Variants in DSG3 observed in about 807,000 individuals in gnomAD.
The protein encoded by DSG3 is desmoglein-3.
A neutral mutation model predicts 85.9 loss-of-function variants in DSG3; 63 were observed. That is an observed-to-expected ratio of 0.73 (90% confidence interval 0.60 to 0.90). The LOEUF (loss-of-function observed/expected upper bound fraction) is 0.90, where lower values mean the gene tolerates loss of function less well. DSG3 is among the 40% of genes least tolerant of loss of function. DSG3 has a pLI of 0.00. For synonymous variants in DSG3, 447 were observed against 441.9 expected, an observed-to-expected ratio of 1.01 and a Z score of -0.14; for missense variants, 1,220 against 1,219.9, an observed-to-expected ratio of 1.00 and a Z score of 0.00.
Position 31,469,485 on chromosome 18 carries a change from AT to A in DSG3, c.1897+140del, listed in dbSNP as rs113391996. ...ATAGGTAAAGCTAGGGGAAAATGGC[AT>A]TTTCAGAAAGAATCTGAAATGTGTA... is the stretch of plus-strand genomic sequence containing the variant. On this transcript the variant is annotated intron_variant, in intron 12 of 15. Coordinates refer to ENST00000257189, the MANE Select transcript of DSG3 (RefSeq NM_001944.3). 7 of 1,266,826 alleles carry A rather than the reference AT, an allele frequency of 5.5e-6. No homozygotes were observed. In the African/African-American group the frequency reaches 9.0e-5, roughly 16 times the overall value. 78.5% of individuals were successfully genotyped at this position (1,266,826 alleles called of 1,614,324 possible).
rs2072763030 is a variant in DSG3 at position 31,458,487 on chromosome 18, A to G, written c.259A>G (p.Ile87Val). 6.2e-7 allele frequency: 1 copy of G among 1,614,108 alleles called. No individual in the cohort carries two copies. Among genetic ancestry groups the G allele is most frequent in the Non-Finnish European group, 8.5e-7 (1 of 1,179,978 alleles). Residue 87 changes from isoleucine to valine, a missense_variant, in exon 4 of 16, where the codon ATC becomes GTC. Coordinates refer to ENST00000257189, the MANE Select transcript of DSG3 (RefSeq NM_001944.3). ...AGCAACCCAGAAAATCACCTACCGA[A>G]TCTCTGGAGTGGGAATCGATCAGCC... The part of the protein sequence containing the change: ...YQATQKITYR[I>V]SGVGIDQPPF...
At chr18:31,455,410 AT>A (rs200455806) in intron 1 of DSG3, among the ~76,000 whole-genome samples, 2,548 of 152,276 alleles carry the variant, frequency 0.017, 76 homozygotes, top group African/African-American at 0.058. Flanking sequence ...GAAAAAAAAA[AT>A]AACCTAATAG....
rs35241223 is a variant in DSG3, at chr18:31,476,928, C to T, written c.*668C>T. On this transcript the variant is annotated 3_prime_UTR_variant, in exon 16 of 16. Transcript: ENST00000257189. ...GAGCCGAGATTGCGCCACTGCAGTC[C>T]GCAGTCCGGCCTGGGCGACAGAGCG... 1 of 148,446 alleles carries T rather than the reference C, an allele frequency of 6.7e-6. No individual in the cohort carries two copies. Among genetic ancestry groups the T allele is most frequent in the Non-Finnish European group, 1.5e-5 (1 of 67,448 alleles). The allele number at this position is 148,446 out of a possible 1,614,324, so 9.2% of individuals were successfully genotyped here.
chr18:31,469,789 T>C (rs2072844643), intron 12 of DSG3, among the ~76,000 whole-genome samples: 1 of 152,048 alleles, frequency 6.6e-6, no homozygotes, highest in Admixed American at 6.6e-5. Flanking sequence ...TCATAGGCTA[T>C]TAAGATATCA....
At chr18:31,466,433 C>G (rs2072818452) in intron 10 of DSG3, 97 bp from the exon 11 acceptor site, 1 of 1,032,386 alleles carries the variant, frequency 9.7e-7, no homozygotes, top group Non-Finnish European at 1.5e-6. Flanking sequence ...AGAAGACACA[C>G]TGAGTTGGCT....
At chr18:31,474,036 TG>T (rs1235516588) in intron 14 of DSG3, 84 bp from the exon 15 acceptor site, 10 of 1,349,998 alleles carry the variant, frequency 7.4e-6, no homozygotes, top group Admixed American at 2.1e-5. Context: ...GCATGGTGAC[TG>T]CTTATAGACA....
Position 31,476,378 on chromosome 18 carries a change from C to T in DSG3, c.*118C>T. On this transcript the variant is annotated 3_prime_UTR_variant, in exon 16 of 16. Coordinates refer to ENST00000257189, the MANE Select transcript of DSG3 (RefSeq NM_001944.3). Reference sequence around the variant, plus strand: ...TAATTTGGCACTTATTAGCTTCTCTCATAAACTGATCACGATTATAAATTA... The same window carrying T: ...TAATTTGGCACTTATTAGCTTCTCTTATAAACTGATCACGATTATAAATTA... The T allele has an allele frequency of 8.4e-7, 1 of 1,193,996 alleles. No homozygotes were observed. The allele number at this position is 1,193,996 out of a possible 1,614,324, so 74.0% of individuals were successfully genotyped here. A position where few individuals can be genotyped will look rare whatever the true frequency, so the allele number is the denominator to read the frequency against.
At chr18:31,461,051 T>C (rs751594587) in intron 7 of DSG3, 90 bp downstream of exon 7, 40 of 1,360,944 alleles carry the variant, frequency 2.9e-5, no homozygotes, top group Non-Finnish European at 3.9e-5. Context: ...TTGGCTTTTA[T>C]TTAAGTTCTC....
At chr18:31,465,088 G>A (rs954406763) in intron 9 of DSG3, among the ~76,000 whole-genome samples, 3 of 149,816 alleles carry the variant, frequency 2.0e-5, no homozygotes, top group African/African-American at 7.4e-5. Context: ...TGGCACCATT[G>A]CACTCCAGCC....
intron 9 of DSG3, among the ~76,000 whole-genome samples, 160 bp from the exon 10 acceptor site, chr18:31,465,158 A>G (rs938931626): frequency 4.6e-5 from 7 of 152,078 alleles, no homozygotes; most frequent in African/African-American, 1.7e-4. Context: ...AAATATGGTC[A>G]TCTATGCTAT....
intron 8 of DSG3, among the ~76,000 whole-genome samples, chr18:31,462,205 A>C (rs73414207): frequency 0.012 from 1,821 of 152,008 alleles, 37 homozygotes; most frequent in African/African-American, 0.041. Context: ...CCTGAGTAGC[A>C]GGGTCCGCAT....
Position 31,472,807 on chromosome 18 carries a change from T to C in DSG3, c.2101+19T>C, listed in dbSNP as rs538964981. ...AGTTCTGGTAAGTGGACATAAAATGTTTGAAAGCAATGGTGAGTTAAGTGG... is the reference window on the plus strand; with the variant it reads ...AGTTCTGGTAAGTGGACATAAAATGCTTGAAAGCAATGGTGAGTTAAGTGG... On this transcript the variant is annotated intron_variant, in intron 14 of 15. Transcript: ENST00000257189. 3.1e-6 allele frequency: 5 copies of C among 1,611,226 alleles called. No individual in the cohort carries two copies. In the East Asian group the frequency reaches 8.9e-5, roughly 29 times the overall value.
intron 13 of DSG3, 101 bp from the exon 14 acceptor site, chr18:31,472,624 G>T: frequency 7.4e-7 from 1 of 1,349,454 alleles, no homozygotes; most frequent in Admixed American, 2.0e-5. Flanking sequence ...TGCACTTCTT[G>T]TAATGTTATC....
At chr18:31,469,485 A>AT (rs113391996) in intron 12 of DSG3, 136 bp downstream of exon 12, 1 of 1,266,944 alleles carries the variant, frequency 7.9e-7, no homozygotes, top group Non-Finnish European at 1.1e-6. Context: ...GGAAAATGGC[A>AT]TTTTCAGAAA....
chr18:31,470,704 G>T (rs577653887), intron 12 of DSG3, among the ~76,000 whole-genome samples: 1 of 152,226 alleles, frequency 6.6e-6, no homozygotes, highest in African/African-American at 2.4e-5. Context: ...AACATTTCAC[G>T]GAATAGAGGA....
In DSG3 at chr18:31,469,309, C is replaced by T. The variant is rs973547083; in HGVS notation, c.1857C>T (p.Ala619=). 10 of 1,613,468 alleles carry T rather than the reference C, an allele frequency of 6.2e-6. No individual in the cohort carries two copies. The highest frequency in any genetic ancestry group is 4.0e-5 in the African/African-American group (3 of 74,902). ...GRPHSGRLGP[A]AIGLLLLGLL... is the part of the protein sequence containing the mutation. ...CGCACTCAGGGAGGCTGGGGCCTGC[C>T]GCCATCGGCCTGCTGCTCCTTGGTC... The change falls in exon 12 of 16, where the codon GCC becomes GCT. Residue 619 remains alanine (A), a synonymous_variant. Coordinates refer to ENST00000257189, the MANE Select transcript of DSG3 (RefSeq NM_001944.3).
intron 12 of DSG3, among the ~76,000 whole-genome samples, chr18:31,471,448 T>G (rs1165592895): frequency 6.6e-6 from 1 of 152,148 alleles, no homozygotes; most frequent in East Asian, 1.9e-4. Context: ...AGCCGAAATT[T>G]AAACCCTAGA....
Position 31,465,450 on chromosome 18 carries a change from C to A in DSG3, c.1404C>A (p.Ala468=). Residue 468 remains alanine, a synonymous_variant, in exon 10 of 16, where the codon GCC becomes GCA. Transcript: ENST00000257189. ...AAACAATCACAGCTGAGGTTCTGGC[C>A]ATAGATGGTAAGAAAAATATTTGAA... The part of the protein sequence containing the change: ...VNKTITAEVL[A]IDEYTGKTST... 1 of 1,482,196 alleles carries A rather than the reference C, an allele frequency of 6.7e-7. No individual in the cohort carries two copies. The highest frequency in any genetic ancestry group is 1.5e-5 in the South Asian group (1 of 67,110). 91.8% of individuals were successfully genotyped at this position (1,482,196 alleles called of 1,614,324 possible). A position where few individuals can be genotyped will look rare whatever the true frequency, so the allele number is the denominator to read the frequency against.
intron 14 of DSG3, 84 bp from the exon 15 acceptor site, chr18:31,474,037 G>T: frequency 7.4e-7 from 1 of 1,360,352 alleles, no homozygotes; most frequent in Non-Finnish European, 1.0e-6. Context: ...CATGGTGACT[G>T]CTTATAGACA....
Sources: gnomAD v4.1 joint callset for allele counts (sites outside exome capture counted in the v4.1 genomes callset) on GRCh38, gnomAD v4.1.1 for gene constraint, MANE v1.5 for transcripts, NCBI Gene and HGNC (gene_info 2026-07-23, HGNC 2026-07-21) for gene names.